GDPD5: variants seen among roughly 807,000 people sequenced by gnomAD.
The protein encoded by GDPD5 is glycerophosphodiester phosphodiesterase 2.
Under a neutral mutation model 75.1 loss-of-function variants are expected in GDPD5, and 48 were observed. The ratio of observed to expected loss-of-function variants is 0.64; its 90% confidence interval spans 0.51 to 0.81. The LOEUF is 0.81. Among genes scored for constraint, GDPD5 ranks in the 40% least tolerant of loss-of-function variants. The pLI is 0.00. For missense variants in GDPD5, 706 were observed against 822.6 expected (o/e 0.86, Z 1.73); for synonymous variants, 336 against 339.0 (o/e 0.99, Z 0.10).
intron 2 of GDPD5, among the ~76,000 whole-genome samples, chr11:75,485,099 T>TA (rs1175102254): frequency 1.3e-5 from 2 of 152,226 alleles, no homozygotes; most frequent in Non-Finnish European, 1.5e-5. Context: ...TGGAAAGCTA[T>TA]ATACTGTATA....
At chr11:75,496,163 C>T (rs1433177479) in intron 1 of GDPD5, among the ~76,000 whole-genome samples, 3 of 152,230 alleles carry the variant, frequency 2.0e-5, no homozygotes, top group East Asian at 3.9e-4. Flanking sequence ...GAAAGGGAGC[C>T]GGCTAGGCTG....
chr11:75,457,579 C>A (rs983319616), intron 5 of GDPD5, 114 bp downstream of exon 5: 4 of 706,562 alleles, frequency 5.7e-6, no homozygotes, highest in Non-Finnish European at 7.2e-6. Context: ...AATATTCCTA[C>A]AAATACAGCT....
At chr11:75,460,012 C>G (rs897632787) in intron 4 of GDPD5, among the ~76,000 whole-genome samples, 2 of 152,184 alleles carry the variant, frequency 1.3e-5, no homozygotes, top group African/African-American at 4.8e-5. Context: ...CTCCCTGGCC[C>G]TCATCCTCAG....
At chr11:75,472,756 G>A (rs1035039331) in intron 3 of GDPD5, among the ~76,000 whole-genome samples, 3 of 152,066 alleles carry the variant, frequency 2.0e-5, no homozygotes, top group South Asian at 2.1e-4. Context: ...AATCTTGTCC[G>A]AGGACCTCCT....
At chr11:75,488,393 C>T (rs1211915315) in intron 2 of GDPD5, among the ~76,000 whole-genome samples, 2 of 152,080 alleles carry the variant, frequency 1.3e-5, no homozygotes, top group East Asian at 1.9e-4. Flanking sequence ...GCCAGCCTGG[C>T]TTTTTCTGAT....
chr11:75,477,003 C>T (rs2135367967), intron 3 of GDPD5, among the ~76,000 whole-genome samples: 1 of 152,256 alleles, frequency 6.6e-6, no homozygotes, highest in Admixed American at 6.5e-5. Context: ...GTTCTCCAGA[C>T]AGTAAAGCTT....
intron 15 of GDPD5, chr11:75,439,499 G>A (rs1948726984): frequency 1.7e-5 from 7 of 400,104 alleles, no homozygotes; most frequent in South Asian, 1.1e-4. Context: ...GGGGGCCCCA[G>A]GCTGGCCCTA....
rs527692138 is a variant in GDPD5, at chr11:75,449,501, T to C, written c.568+16A>G. 1.9e-6 allele frequency: 3 copies of C among 1,554,838 alleles called. No individual in the cohort carries two copies. Among genetic ancestry groups the C allele is most frequent in the Non-Finnish European group, 2.6e-6 (3 of 1,146,922 alleles). ...TGCAGGGATTGGAGGGGCAGGCCCT[T>C]CACAGTTCTACTCACAGGTCCGCTC... On this transcript the variant is annotated intron_variant, in intron 8 of 16. Transcript: ENST00000336898.
At chr11:75,437,388 T>C (rs745647900) in intron 15 of GDPD5, 11 of 277,602 alleles carry the variant, frequency 4.0e-5, no homozygotes, top group African/African-American at 6.5e-5. Context: ...AGGAGCTTAG[T>C]AGGCACGACT....
In GDPD5 at chr11:75,441,754, G is replaced by A. The variant is rs1223964777; in HGVS notation, c.1217C>T (p.Pro406Leu). 4 of 1,611,434 alleles carry A rather than the reference G, an allele frequency of 2.5e-6. No individual in the cohort carries two copies. Among genetic ancestry groups the A allele is most frequent in the African/African-American group, 1.3e-5 (1 of 74,918 alleles). The change falls in exon 13 of 17, where the codon CCC becomes CTC. Residue 406 changes from proline (P) to leucine (L), a missense_variant. Transcript: ENST00000336898. ...RQRPLVRKVA[P>L]GFQQTSGSKE... Reference sequence around the variant, plus strand: ...GGAGCCTGATGTCTGTTGGAAGCCGGGAGCCACCTTCCGCACCAGGGGCCT... The same window carrying A: ...GGAGCCTGATGTCTGTTGGAAGCCGAGAGCCACCTTCCGCACCAGGGGCCT...
At chr11:75,519,342 AC>A (rs1449784783) in intron 1 of GDPD5, among the ~76,000 whole-genome samples, 1 of 152,026 alleles carries the variant, frequency 6.6e-6, no homozygotes, top group Non-Finnish European at 1.5e-5. Flanking sequence ...GCGCCGGGCA[AC>A]CCCAGGCCCC....
Position 75,477,626 on chromosome 11 carries a change from G to C in GDPD5, c.110C>G (p.Thr37Ser). 1 of 1,581,180 alleles carries C rather than the reference G, an allele frequency of 6.3e-7. No homozygotes were observed. Among genetic ancestry groups the C allele is most frequent in the South Asian group, 1.1e-5 (1 of 88,078 alleles). ...WKRYQRSHDD[T>S]TPWERLWFLL... is the part of the protein sequence containing the mutation. ...TGTTCCAGGGTGGCTCACCGGTGTG[G>C]TATCATCATGGGAGCGCTGGTAGCG... is the stretch of plus-strand genomic sequence containing the variant. The change falls in exon 3 of 17, where the codon ACC (threonine) becomes AGC (serine). Residue 37 changes from threonine (T) to serine (S), a missense_variant. Coordinates refer to ENST00000336898, the MANE Select transcript of GDPD5 (RefSeq NM_030792.8).
chr11:75,509,523 A>T (rs1207306512), intron 1 of GDPD5, among the ~76,000 whole-genome samples: 1 of 152,222 alleles, frequency 6.6e-6, no homozygotes, highest in Non-Finnish European at 1.5e-5. Flanking sequence ...GGACAAATGA[A>T]TATTGTTAAT....
chr11:75,478,388 C>T (rs1320380031), intron 2 of GDPD5, among the ~76,000 whole-genome samples: 1 of 152,170 alleles, frequency 6.6e-6, no homozygotes, highest in Non-Finnish European at 1.5e-5. Flanking sequence ...TCAGGTTATC[C>T]ACCTGCCTCA....
rs554737619 is a variant in GDPD5, at chr11:75,505,429, A to G, written c.-144-15109T>C. On this transcript the variant is annotated intron_variant, in intron 1 of 16. Coordinates refer to ENST00000336898, the MANE Select transcript of GDPD5 (RefSeq NM_030792.8). Reference sequence around the variant, plus strand: ...GCTTGGAAGGAAGAAGGGATTTCCTACTATGTGCTCCCAGGCCCACTCACT... The same window carrying G: ...GCTTGGAAGGAAGAAGGGATTTCCTGCTATGTGCTCCCAGGCCCACTCACT... Among the ~76,000 whole-genome samples, 3 of 151,990 alleles carry G rather than the reference A, an allele frequency of 2.0e-5. No homozygotes were observed. In the East Asian group the frequency reaches 5.8e-4, roughly 30 times the overall value.
At chr11:75,486,200 C>T (rs889830005) in intron 2 of GDPD5, among the ~76,000 whole-genome samples, 3 of 152,156 alleles carry the variant, frequency 2.0e-5, no homozygotes, top group Non-Finnish European at 4.4e-5. Flanking sequence ...GGGGGCTGCT[C>T]GAGGAAAAGG....
chr11:75,488,729 T>G (rs1002415126), intron 2 of GDPD5, among the ~76,000 whole-genome samples: 5 of 152,192 alleles, frequency 3.3e-5, no homozygotes, highest in Non-Finnish European at 7.4e-5. Context: ...AAAAGCCCAC[T>G]GCCTCCTCCT....
intron 3 of GDPD5, among the ~76,000 whole-genome samples, chr11:75,469,589 G>A (rs987139231): frequency 5.9e-5 from 9 of 152,192 alleles, no homozygotes; most frequent in Admixed American, 2.0e-4. Context: ...CCTTGCCCAA[G>A]GTCACACTTT....
At chr11:75,458,673 A>AAAATTAAAT (rs372358155) in intron 4 of GDPD5, among the ~76,000 whole-genome samples, 3 of 147,324 alleles carry the variant, frequency 2.0e-5, no homozygotes, top group African/African-American at 7.5e-5. Flanking sequence ...CTCTGTCTCA[A>AAAATTAAAT]AAATAAATAA....
Sources: allele counts gnomAD v4.1 joint callset (sites outside exome capture counted in the v4.1 genomes callset), GRCh38; gene constraint gnomAD v4.1.1; transcripts MANE v1.5; gene names NCBI Gene and HGNC (gene_info 2026-07-23, HGNC 2026-07-21).